PRKN: variants seen among roughly 807,000 people sequenced by gnomAD.
The protein encoded by PRKN is E3 ubiquitin-protein ligase parkin.
Under a neutral mutation model 59.5 loss-of-function variants are expected in PRKN, and 56 were observed. The ratio of observed to expected loss-of-function variants is 0.94; its 90% confidence interval spans 0.76 to 1.18. The LOEUF (loss-of-function observed/expected upper bound fraction) is 1.18, where lower values mean the gene tolerates loss of function less well. Ranked by LOEUF, PRKN falls within the 50% of genes most tolerant of loss-of-function variation. The pLI is 0.00. For missense variants in PRKN, 657 were observed against 596.4 expected (o/e 1.10, Z -1.06); for synonymous variants, 250 against 222.1 (o/e 1.13, Z -1.12).
intron 9 of PRKN, among the ~76,000 whole-genome samples, chr6:161,500,849 C>A (rs541922567): frequency 1.0e-4 from 15 of 149,290 alleles, no homozygotes; most frequent in African/African-American, 3.5e-4. Context: ...ATATGGTAAG[C>A]GTATGTTTAG....
chr6:162,291,365 C>G (rs1032884580), intron 2 of PRKN, among the ~76,000 whole-genome samples: 3 of 134,618 alleles, frequency 2.2e-5, no homozygotes, highest in African/African-American at 8.2e-5. Context: ...TGAACCAACT[C>G]TGGTACTAGA....
intron 7 of PRKN, chr6:161,716,059 G>A (rs1185345357): frequency 7.7e-7 from 1 of 1,292,954 alleles, no homozygotes; most frequent in Non-Finnish European, 1.0e-6. Flanking sequence ...ACCATGCTGT[G>A]CTGGGCCCAT....
At chr6:162,451,366 G>GGA (rs1790613973) in intron 1 of PRKN, among the ~76,000 whole-genome samples, 1 of 70,354 alleles carries the variant, frequency 1.4e-5, no homozygotes, top group Non-Finnish European at 2.8e-5. Flanking sequence ...CCTTAAAGGA[G>GGA]TAAAAAAAAA....
chr6:161,991,505 T>C (rs2128258468), intron 5 of PRKN, among the ~76,000 whole-genome samples: 1 of 152,316 alleles, frequency 6.6e-6, no homozygotes, highest in South Asian at 2.1e-4. Context: ...AATGGATTAA[T>C]TTCCCCCATA....
intron 9 of PRKN, among the ~76,000 whole-genome samples, chr6:161,441,353 C>G (rs766913140): frequency 1.3e-5 from 2 of 152,270 alleles, no homozygotes; most frequent in Non-Finnish European, 2.9e-5. Context: ...CAGAAAGAGT[C>G]TGGGGTCCTG....
At chr6:161,469,644 A>G (rs1297691446) in intron 9 of PRKN, among the ~76,000 whole-genome samples, 1 of 152,024 alleles carries the variant, frequency 6.6e-6, no homozygotes. Flanking sequence ...AAGATGGAGG[A>G]AGGGACCTCA....
chr6:162,011,438 TATATTTATAATATATAA>T (rs1562459042), intron 5 of PRKN, among the ~76,000 whole-genome samples: 1 of 23,302 alleles, frequency 4.3e-5, no homozygotes, highest in Non-Finnish European at 5.7e-5. Flanking sequence ...ATATATGTTA[TATATTTATAATATATAA>T]TATATATATT....
intron 6 of PRKN, among the ~76,000 whole-genome samples, chr6:161,787,361 C>G (rs964981627): frequency 9.9e-5 from 15 of 152,160 alleles, no homozygotes; most frequent in Non-Finnish European, 2.2e-4. Context: ...GCGGCTTCTC[C>G]TTTCCCCTCT....
In PRKN at chr6:162,030,002, C is replaced by G. The variant is rs115494573; in HGVS notation, c.618+24089G>C. The stretch of plus-strand genomic sequence containing the variant: ...TACAGGTACACGCTATCACACCCAG[C>G]TAATTAAAACAAAAAATCGTAGAGA... On this transcript the variant is annotated intron_variant, in intron 5 of 11. Transcript: ENST00000366898. Among the ~76,000 whole-genome samples, 1,277 of 152,168 alleles carry G rather than the reference C, an allele frequency of 8.4e-3. 22 individuals carry two copies. Among genetic ancestry groups the G allele is most frequent in the African/African-American group, 0.029 (1,211 of 41,514 alleles).
At position 161,593,629 on chromosome 6, in the gene PRKN, G is replaced by A. The variant is rs1583271705; in HGVS notation, c.872-24213C>T. Among the ~76,000 whole-genome samples, 2 of 152,110 alleles carry A rather than the reference G, an allele frequency of 1.3e-5. No individual in the cohort carries two copies. Among genetic ancestry groups the A allele is most frequent in the African/African-American group, 4.8e-5 (2 of 41,404 alleles). On this transcript the variant is annotated intron_variant, in intron 7 of 11. Transcript: ENST00000366898. The surrounding 1 kb of genome is among the most constrained non-coding windows in gnomAD (Gnocchi z 4.8). ...CAAAGGAAAAGGAGGCAGGGGTTGC[G>A]CTGCCACTTTTATCCTGAGGAACCG...
intron 5 of PRKN, among the ~76,000 whole-genome samples, chr6:161,990,083 C>T (rs1781587301): frequency 2.0e-5 from 3 of 152,170 alleles, no homozygotes; most frequent in Non-Finnish European, 4.4e-5. Context: ...CCAGCCTGCC[C>T]TCCCAGCCCA....
chr6:162,514,532 AT>A (rs770371961), intron 1 of PRKN, among the ~76,000 whole-genome samples: 14 of 152,180 alleles, frequency 9.2e-5, no homozygotes, highest in Admixed American at 3.9e-4. Flanking sequence ...TCACTTGGTG[AT>A]TTTAAGAAGC....
chr6:161,522,511 A>G (rs928075035), intron 9 of PRKN, among the ~76,000 whole-genome samples: 2 of 152,212 alleles, frequency 1.3e-5, no homozygotes, highest in Non-Finnish European at 2.9e-5. Context: ...ATAGATATGG[A>G]TCCCAGCATG....
chr6:162,075,529 C>A (rs531510851), intron 4 of PRKN, among the ~76,000 whole-genome samples: 1 of 151,914 alleles, frequency 6.6e-6, no homozygotes, highest in Non-Finnish European at 1.5e-5. Flanking sequence ...ATAAAAAGTC[C>A]ACATTGTATT....
intron 9 of PRKN, among the ~76,000 whole-genome samples, chr6:161,435,265 C>T (rs1788827612): frequency 6.6e-6 from 1 of 152,138 alleles, no homozygotes; most frequent in Non-Finnish European, 1.5e-5. Flanking sequence ...TTTGGACATG[C>T]ATTATAAGCG....
intron 7 of PRKN, among the ~76,000 whole-genome samples, chr6:161,691,626 C>T (rs934248826): frequency 6.6e-6 from 1 of 152,138 alleles, no homozygotes; most frequent in Non-Finnish European, 1.5e-5. Context: ...AGCCTTCTTG[C>T]ACTTAGGAAT....
chr6:162,563,470 C>T (rs1215640800), intron 1 of PRKN, among the ~76,000 whole-genome samples: 1 of 152,168 alleles, frequency 6.6e-6, no homozygotes, highest in African/African-American at 2.4e-5. Context: ...CTTGGGGTTC[C>T]CCCTAAAGTA....
chr6:162,663,702 T>C (rs1426290989), intron 1 of PRKN, among the ~76,000 whole-genome samples: 1 of 152,032 alleles, frequency 6.6e-6, no homozygotes, highest in Non-Finnish European at 1.5e-5. Context: ...GGCTTCAGTT[T>C]CCTCACTTAT....
chr6:162,183,667 C>G (rs948470168), intron 4 of PRKN, among the ~76,000 whole-genome samples: 5 of 152,164 alleles, frequency 3.3e-5, no homozygotes, highest in African/African-American at 1.2e-4. Context: ...TGGTCCTAGT[C>G]CCAGATCTGA....
Sources: allele counts gnomAD v4.1 joint callset (sites outside exome capture counted in the v4.1 genomes callset), GRCh38; gene constraint gnomAD v4.1.1; non-coding constraint Gnocchi (gnomAD v3.1); transcripts MANE v1.5; gene names NCBI Gene and HGNC (gene_info 2026-07-23, HGNC 2026-07-21).